Variants in USP6 observed in about 807,000 individuals in gnomAD.
The protein encoded by USP6 is ubiquitin carboxyl-terminal hydrolase 6.
A neutral mutation model predicts 175.7 loss-of-function variants in USP6; 128 were observed. The observed-to-expected ratio is 0.73, with a 90% CI of 0.63 to 0.84. The LOEUF is 0.84. USP6 is among the 40% of genes least tolerant of loss of function. The pLI is 0.00. For synonymous variants in USP6, 562 were observed against 630.6 expected (o/e 0.89, Z 1.63); for missense variants, 1,498 against 1,760.3 (o/e 0.85, Z 2.67).
At chr17:5,163,896 A>G (rs1029373991) in intron 33 of USP6, among the ~76,000 whole-genome samples, 7 of 152,190 alleles carry the variant, frequency 4.6e-5, no homozygotes, top group African/African-American at 1.7e-4. Flanking sequence ...CACACTTCAC[A>G]TTCTTCTATT....
intron 29 of USP6, among the ~76,000 whole-genome samples, chr17:5,147,711 G>T (rs1318638486): frequency 6.6e-6 from 1 of 152,116 alleles, no homozygotes; most frequent in Non-Finnish European, 1.5e-5. Flanking sequence ...GTTGGTGGAT[G>T]ATCTAATTTT....
At chr17:5,145,630 T>G in intron 27 of USP6, 51 bp downstream of exon 27, 1 of 1,516,446 alleles carries the variant, frequency 6.6e-7, no homozygotes, top group Non-Finnish European at 8.8e-7. Flanking sequence ...ATTTACTTTA[T>G]TTAAATAGCC....
intron 2 of USP6, among the ~76,000 whole-genome samples, chr17:5,120,164 G>C (rs1394950221): frequency 6.6e-6 from 1 of 152,166 alleles, no homozygotes; most frequent in African/African-American, 2.4e-5. Context: ...CTTTGAGGCT[G>C]GTTATACATT....
At chr17:5,143,313 A>G (rs917158230) in intron 25 of USP6, among the ~76,000 whole-genome samples, 2 of 152,272 alleles carry the variant, frequency 1.3e-5, no homozygotes, top group Non-Finnish European at 2.9e-5. Context: ...GGAATAGAAA[A>G]GGGGGAAAGG....
chr17:5,146,279 A>G, intron 28 of USP6, 105 bp downstream of exon 28: 2 of 1,386,546 alleles, frequency 1.4e-6, no homozygotes, highest in Non-Finnish European at 1.9e-6. Flanking sequence ...GAGAGATACT[A>G]AAACATAACG....
Position 5,165,480 on chromosome 17 carries a change from C to A in USP6, c.3037-2452C>A, listed in dbSNP as rs555114902. Among the ~76,000 whole-genome samples the A allele has an allele frequency of 2.1e-3, 322 of 152,142 alleles. 6 individuals carry two copies. The highest frequency in any genetic ancestry group is 3.1e-4 in the Non-Finnish European group (21 of 68,018). ...CCTATAGTCCCAGCTGCTTGGGAGG[C>A]TGAGGATGGAGGATTGCTTGAGCCC... On this transcript the variant is annotated intron_variant, in intron 33 of 37. Transcript: ENST00000574788.
At chr17:5,125,678 GCA>G (rs71151842) in intron 5 of USP6, 141 bp from the exon 6 acceptor site, 16,143 of 137,454 alleles carry the variant, frequency 0.12, 985 homozygotes, top group African/African-American at 0.17. Flanking sequence ...ACACGCACAT[GCA>G]CACACACACA....
At position 5,129,128 on chromosome 17, in the gene USP6, C is replaced by T. The variant is rs949218429; in HGVS notation, c.-161C>T. 3 of 152,376 alleles carry T rather than the reference C, an allele frequency of 2.0e-5. No individual in the cohort carries two copies. Among genetic ancestry groups the T allele is most frequent in the African/African-American group, 7.2e-5 (3 of 41,424 alleles). The allele number at this position is 152,376 out of a possible 1,614,324, so 9.4% of individuals were successfully genotyped here. A position where few individuals can be genotyped will look rare whatever the true frequency, so the allele number is the denominator to read the frequency against. Reference sequence around the variant, plus strand: ...GGTGCTGTTCCCGAATGTACCCATTCGACAGGTGAGCCGTCTGGGGTCAGA... The same window carrying T: ...GGTGCTGTTCCCGAATGTACCCATTTGACAGGTGAGCCGTCTGGGGTCAGA... On this transcript the variant is annotated 5_prime_UTR_variant, in exon 8 of 38. Transcript: ENST00000574788.
intron 37 of USP6, among the ~76,000 whole-genome samples, chr17:5,172,586 T>C (rs1295942798): frequency 6.6e-6 from 1 of 152,212 alleles, no homozygotes; most frequent in African/African-American, 2.4e-5. Flanking sequence ...TTTAGGTCAT[T>C]CTGTTTTGAC....
rs769098116 is a variant in USP6, at chr17:5,145,583, G to T, written c.2167+4G>T. The T allele has an allele frequency of 1.3e-6, 2 of 1,563,592 alleles. No individual in the cohort carries two copies. Among genetic ancestry groups the T allele is most frequent in the African/African-American group, 2.8e-5 (2 of 72,424 alleles). ...TACATGGACTTAGAAATAACAGGTA[G>T]GTCACAAAGTTCTGAAAAATTACTT... On this transcript the variant is annotated splice_donor_region_variant and intron_variant, in intron 27 of 37. Transcript: ENST00000574788.
intron 2 of USP6, among the ~76,000 whole-genome samples, chr17:5,118,663 G>A (rs2072584889): frequency 6.6e-6 from 1 of 152,194 alleles, no homozygotes; most frequent in Non-Finnish European, 1.5e-5. Flanking sequence ...GCTCTTGTCT[G>A]GCATCCAAAA....
At chr17:5,146,592 C>T (rs1485476821) in intron 28 of USP6, among the ~76,000 whole-genome samples, 1 of 152,124 alleles carries the variant, frequency 6.6e-6, no homozygotes, top group African/African-American at 2.4e-5. Flanking sequence ...TCTTTTAACA[C>T]ACTAAGAAAT....
In USP6 at chr17:5,132,014, TC is replaced by T. The variant is rs929976289; in HGVS notation, c.156-379del. Reference sequence around the variant, plus strand: ...GACCCTGGCGGGGTGATGTGGTCACTCCCTGAGGGACTCCTGTCAGGGCCCG... The same window carrying T: ...GACCCTGGCGGGGTGATGTGGTCACTCCTGAGGGACTCCTGTCAGGGCCCG... On this transcript the variant is annotated intron_variant, in intron 11 of 37. Transcript: ENST00000574788. The surrounding 1 kb of genome is among the most constrained non-coding windows in gnomAD (Gnocchi z 4.7). Among the ~76,000 whole-genome samples the T allele has an allele frequency of 6.6e-6, 1 of 152,034 alleles. No homozygotes were observed. The highest frequency in any genetic ancestry group is 2.4e-5 in the African/African-American group (1 of 41,368).
At chr17:5,143,967 T>C (rs1401153729) in intron 25 of USP6, among the ~76,000 whole-genome samples, 1 of 152,154 alleles carries the variant, frequency 6.6e-6, no homozygotes, top group African/African-American at 2.4e-5. Flanking sequence ...ATGAAACTAA[T>C]GAATATAAGT....
intron 30 of USP6, among the ~76,000 whole-genome samples, chr17:5,152,714 A>G (rs560045496): frequency 6.6e-6 from 1 of 152,302 alleles, no homozygotes; most frequent in East Asian, 1.9e-4. Context: ...AAAAAGAATT[A>G]GGGTAGGCAC....
intron 34 of USP6, 56 bp downstream of exon 34, chr17:5,168,179 C>A: frequency 6.7e-7 from 1 of 1,494,900 alleles, no homozygotes; most frequent in East Asian, 2.3e-5. Flanking sequence ...AGAAAGAAGA[C>A]ATGAACAAAC....
At chr17:5,120,844 T>C in intron 3 of USP6, 56 bp downstream of exon 3, 1 of 454,412 alleles carries the variant, frequency 2.2e-6, no homozygotes, top group Non-Finnish European at 4.4e-6. Context: ...TGCTGCATGC[T>C]GGTGCAGCTG....
chr17:5,165,740 G>A (rs1193985243), intron 33 of USP6, among the ~76,000 whole-genome samples: 1 of 152,172 alleles, frequency 6.6e-6, no homozygotes, highest in African/African-American at 2.4e-5. Context: ...AAAGAAGAGG[G>A]TTCCTATAGG....
At chr17:5,162,682 G>A (rs1462469261) in intron 32 of USP6, among the ~76,000 whole-genome samples, 6 of 152,128 alleles carry the variant, frequency 3.9e-5, no homozygotes, top group African/African-American at 1.4e-4. Flanking sequence ...GACTTGAAAA[G>A]TGAAAAGCAT....
Sources: gnomAD v4.1 joint callset for allele counts (sites outside exome capture counted in the v4.1 genomes callset) on GRCh38, gnomAD v4.1.1 for gene constraint, Gnocchi (gnomAD v3.1) non-coding constraint, MANE v1.5 for transcripts, NCBI Gene and HGNC (gene_info 2026-07-23, HGNC 2026-07-21) for gene names.